MC2R: variants seen among roughly 807,000 people sequenced by gnomAD.
The protein encoded by MC2R is adrenocorticotropic hormone receptor.
A neutral mutation model predicts 9.8 loss-of-function variants in MC2R; 9 were observed. That is an observed-to-expected ratio of 0.92 (90% CI 0.55 to 1.60). The LOEUF is 1.60. Ranked by LOEUF, MC2R falls within the 40% of genes most tolerant of loss-of-function variation. MC2R has a pLI of 0.00. For missense variants in MC2R, 370 were observed against 389.0 expected, an observed-to-expected ratio of 0.95 and a Z score of 0.41; for synonymous variants, 185 against 154.7, an observed-to-expected ratio of 1.20 and a Z score of -1.45.
intron 1 of MC2R, among the ~76,000 whole-genome samples, chr18:13,906,177 C>A (rs554838968): frequency 6.6e-6 from 1 of 152,320 alleles, no homozygotes; most frequent in South Asian, 2.1e-4. Flanking sequence ...ATGGTACCAA[C>A]CCAAATGTCC....
Position 13,900,459 on chromosome 18 carries a change from G to A in MC2R, c.-128-14813C>T, listed in dbSNP as rs532397211. Among the ~76,000 whole-genome samples, 8 of 152,132 alleles carry A rather than the reference G, an allele frequency of 5.3e-5. No individual in the cohort carries two copies. In the South Asian group the frequency reaches 1.7e-3, roughly 32 times the overall value. On this transcript the variant is annotated intron_variant, in intron 1 of 1. Coordinates refer to ENST00000327606, the MANE Select transcript of MC2R (RefSeq NM_000529.2). Reference sequence around the variant, plus strand: ...ACTCTCCAATTAGAAGACACAGAATGGCTGAATGGATGAAAAACATGACCC... The same window carrying A: ...ACTCTCCAATTAGAAGACACAGAATAGCTGAATGGATGAAAAACATGACCC...
rs2045417709 is a variant in MC2R at position 13,906,927 on chromosome 18, A to G, written c.-129+8561T>C. ...ATGCTCATGGGTTGGAATAATTAATATTGTTAAAATTTCCATACTACCCAA... is the reference window on the plus strand; with the variant it reads ...ATGCTCATGGGTTGGAATAATTAATGTTGTTAAAATTTCCATACTACCCAA... On this transcript the variant is annotated intron_variant, in intron 1 of 1. Transcript: ENST00000327606. 2.0e-5 allele frequency among the ~76,000 whole-genome samples: 3 copies of G among 152,230 alleles called. No individual in the cohort carries two copies. In the South Asian group the frequency reaches 6.2e-4, roughly 31 times the overall value.
chr18:13,913,216 C>T (rs1467204022), intron 1 of MC2R, among the ~76,000 whole-genome samples: 2 of 152,024 alleles, frequency 1.3e-5, no homozygotes, highest in African/African-American at 4.8e-5. Context: ...GTGTGATGCT[C>T]AGCTCCCTGC....
intron 1 of MC2R, among the ~76,000 whole-genome samples, chr18:13,889,664 T>C (rs1312559937): frequency 1.3e-5 from 2 of 152,162 alleles, no homozygotes; most frequent in African/African-American, 4.8e-5. Context: ...AAGTGAGATT[T>C]TTATATTGAT....
chr18:13,885,175 A>T lies in MC2R; in HGVS notation c.344T>A (p.Leu115His). 1 of 1,614,226 alleles carries T rather than the reference A, an allele frequency of 6.2e-7. No individual in the cohort carries two copies. ...CACAGACAGGCTGAAGATGGAGCCAAGCAGGGAGAGGACAAACAGGGAGTC... is the reference window on the plus strand; with the variant it reads ...CACAGACAGGCTGAAGATGGAGCCATGCAGGGAGAGGACAAACAGGGAGTC... Reference protein sequence around the residue: ...IIDSLFVLSLLGSIFSLSVIA... With the variant: ...IIDSLFVLSLHGSIFSLSVIA... The change falls in exon 2 of 2, where the codon CTT (leucine) becomes CAT (histidine). Residue 115 changes from leucine to histidine, a missense_variant. Transcript: ENST00000327606.
chr18:13,885,486 G>C lies in MC2R; in HGVS notation c.33C>G (p.Ile11Met), dbSNP rs963492233. The C allele has an allele frequency of 1.9e-6, 3 of 1,614,134 alleles. No homozygotes were observed. The highest frequency in any genetic ancestry group is 2.5e-6 in the Non-Finnish European group (3 of 1,180,024). Residue 11 changes from isoleucine to methionine, a missense_variant, in exon 2 of 2, where the codon ATC (isoleucine) becomes ATG (methionine). Transcript: ENST00000327606. MKHIINSYEN[I>M]NNTARNNSDC... ...CGGAATTATTTCTTGCTGTGTTGTT[G>C]ATGTTTTCATACGAGTTGATAATGT...
chr18:13,905,103 C>A (rs1286054923), intron 1 of MC2R, among the ~76,000 whole-genome samples: 6 of 152,164 alleles, frequency 3.9e-5, no homozygotes, highest in Middle Eastern at 3.4e-3. Context: ...AACAGGCAAC[C>A]TACAGAATAG....
chr18:13,913,310 G>A (rs1428953818), intron 1 of MC2R, among the ~76,000 whole-genome samples: 1 of 152,210 alleles, frequency 6.6e-6, no homozygotes, highest in Admixed American at 6.5e-5. Context: ...CTTCCTCCAC[G>A]GTGCCTTCCT....
rs1410860600 is a variant in MC2R at position 13,911,835 on chromosome 18, T to C, written c.-129+3653A>G. On this transcript the variant is annotated intron_variant, in intron 1 of 1. Transcript: ENST00000327606. ...AAGAATTGGCAGTTTTTAGCACCTC[T>C]AGGATCCAATTTTAGGTTATATGTC... 3.9e-5 allele frequency among the ~76,000 whole-genome samples: 6 copies of C among 152,216 alleles called. No homozygotes were observed. The East Asian group carries it at 1.2e-3, about 29-fold the overall frequency.
chr18:13,887,486 G>A (rs2045284294), intron 1 of MC2R, among the ~76,000 whole-genome samples: 1 of 152,212 alleles, frequency 6.6e-6, no homozygotes. Flanking sequence ...GTGATGGGAG[G>A]GGGCCTGTGG....
At position 13,884,791 on chromosome 18, in the gene MC2R, GTCA is replaced by G; in HGVS notation, c.725_727del (p.Met242del). On this transcript the variant is annotated inframe_deletion, in exon 2 of 2. Transcript: ENST00000327606. The stretch of plus-strand genomic sequence containing the variant: ...GCAGTAGGGGTTACTTGGGCAGAAT[GTCA>G]TCAAGAGGACATGAAGCACAAAGGG... 6.2e-7 allele frequency: 1 copy of G among 1,613,970 alleles called. No homozygotes were observed. Among genetic ancestry groups the G allele is most frequent in the Non-Finnish European group, 8.5e-7 (1 of 1,180,012 alleles).
At chr18:13,909,715 G>T (rs1442807601) in intron 1 of MC2R, among the ~76,000 whole-genome samples, 1 of 152,190 alleles carries the variant, frequency 6.6e-6, no homozygotes, top group Admixed American at 6.5e-5. Flanking sequence ...CCTGTGTCCT[G>T]TGCCAGACCT....
intron 1 of MC2R, among the ~76,000 whole-genome samples, chr18:13,886,966 A>G (rs1421661037): frequency 3.9e-5 from 6 of 152,222 alleles, no homozygotes; most frequent in Admixed American, 3.3e-4. Flanking sequence ...AGGGGTTGAC[A>G]GGGCGTAGCT....
intron 1 of MC2R, among the ~76,000 whole-genome samples, chr18:13,903,684 T>C (rs1406717460): frequency 6.6e-6 from 1 of 152,068 alleles, no homozygotes; most frequent in Non-Finnish European, 1.5e-5. Flanking sequence ...GGAAAGTTAG[T>C]GTATGTGTGG....
At chr18:13,892,183 C>A (rs2045319171) in intron 1 of MC2R, among the ~76,000 whole-genome samples, 1 of 152,166 alleles carries the variant, frequency 6.6e-6, no homozygotes, top group South Asian at 2.1e-4. Flanking sequence ...TGGTTCAGAG[C>A]CCCTGTGGCA....
At chr18:13,898,539 C>T (rs942385927) in intron 1 of MC2R, among the ~76,000 whole-genome samples, 4 of 152,180 alleles carry the variant, frequency 2.6e-5, no homozygotes, top group Admixed American at 6.5e-5. Flanking sequence ...CAGGCGGTAG[C>T]CAGGGAGTGG....
intron 1 of MC2R, among the ~76,000 whole-genome samples, chr18:13,904,555 TAGAC>T (rs2045401117): frequency 6.7e-6 from 1 of 150,304 alleles, no homozygotes; most frequent in Non-Finnish European, 1.5e-5. Context: ...CAAGAGCAAT[TAGAC>T]AGGAGAAAAA....
intron 1 of MC2R, among the ~76,000 whole-genome samples, chr18:13,901,485 G>A (rs1194597963): frequency 6.6e-6 from 1 of 151,670 alleles, no homozygotes; most frequent in East Asian, 1.9e-4. Flanking sequence ...AAACAAAACT[G>A]ACAAATCTTT....
chr18:13,909,659 C>T (rs1417059236), intron 1 of MC2R, among the ~76,000 whole-genome samples: 2 of 152,124 alleles, frequency 1.3e-5, no homozygotes, highest in Non-Finnish European at 2.9e-5. Flanking sequence ...TGTTTTATTG[C>T]TTAAATTGTT....
Sources: gnomAD v4.1 joint callset for allele counts (sites outside exome capture counted in the v4.1 genomes callset) on GRCh38, gnomAD v4.1.1 for gene constraint, MANE v1.5 for transcripts, NCBI Gene and HGNC (gene_info 2026-07-23, HGNC 2026-07-21) for gene names.